Variants in HPSE2 observed in about 807,000 individuals in gnomAD.
HPSE2 encodes heparanase 2 (inactive).
HPSE2 carries 38 observed loss-of-function variants against 60.5 expected under a neutral mutation model. That is an observed-to-expected ratio of 0.63 (90% CI 0.48 to 0.82). HPSE2 has a LOEUF of 0.82. Among genes scored for constraint, HPSE2 ranks in the 40% least tolerant of loss-of-function variants. HPSE2 has a pLI of 0.00. For synonymous variants in HPSE2, 295 were observed against 293.2 expected, an observed-to-expected ratio of 1.01 and a Z score of -0.06; for missense variants, 713 against 740.4, an observed-to-expected ratio of 0.96 and a Z score of 0.43.
At position 98,599,531 on chromosome 10, in the gene HPSE2, T is replaced by C. The variant is rs546804725; in HGVS notation, c.1320+15373A>G. Among the ~76,000 whole-genome samples, 315 of 152,286 alleles carry C rather than the reference T, an allele frequency of 2.1e-3. 1 individual carries two copies. The highest frequency in any genetic ancestry group is 3.4e-3 in the Non-Finnish European group (232 of 67,994). ...GAGACTCAGTCTGTAGGTACTGGCC[T>C]GGAGTCTGGTCCCATGGGGGCCTGA... On this transcript the variant is annotated intron_variant, in intron 9 of 11. Transcript: ENST00000370552.
At chr10:98,665,704 A>G (rs1480180809) in intron 6 of HPSE2, among the ~76,000 whole-genome samples, 1 of 152,200 alleles carries the variant, frequency 6.6e-6, no homozygotes, top group African/African-American at 2.4e-5. Context: ...TAAGCAAAGG[A>G]GGATACAATC....
chr10:98,482,876 G>T, intron 10 of HPSE2, 94 bp from the exon 11 acceptor site: 4 of 1,379,542 alleles, frequency 2.9e-6, no homozygotes, highest in African/African-American at 1.4e-5. Flanking sequence ...AATATGAACA[G>T]CCCTGAAAAT....
intron 3 of HPSE2, among the ~76,000 whole-genome samples, chr10:99,011,980 A>T (rs1957028992): frequency 6.6e-6 from 1 of 151,988 alleles, no homozygotes; most frequent in Admixed American, 6.6e-5. Context: ...TCAGTCCTAA[A>T]ATAAAAAAGA....
At position 98,482,754 on chromosome 10, in the gene HPSE2, G is replaced by C. The variant is rs745388796; in HGVS notation, c.1495C>G (p.Leu499Val). The change falls in exon 11 of 12, where the codon CTT becomes GTT. Residue 499 changes from leucine to valine, a missense_variant. Transcript: ENST00000370552. ...NHNYVRGSIT[L>V]FIINLHRSRK... ...GATCGATGCAAGTTGATGATAAAAA[G>C]TGTAATGGACCCACGAACGTAGTTG... 1 of 1,614,192 alleles carries C rather than the reference G, an allele frequency of 6.2e-7. No individual in the cohort carries two copies. Among genetic ancestry groups the C allele is most frequent in the Non-Finnish European group, 8.5e-7 (1 of 1,180,046 alleles).
intron 3 of HPSE2, among the ~76,000 whole-genome samples, chr10:98,789,183 T>G (rs1252315): frequency 0.054 from 8,282 of 152,216 alleles, 726 homozygotes; most frequent in African/African-American, 0.18. Flanking sequence ...ATTTGTTGGA[T>G]AAATGAATAT....
At position 99,007,352 on chromosome 10, in the gene HPSE2, C is replaced by G. The variant is rs367582451; in HGVS notation, c.610+136886G>C. On this transcript the variant is annotated intron_variant, in intron 3 of 11. Transcript: ENST00000370552. ...CGATGCTCACTTCCCTGACCCTCCC[C>G]CAAGGAGAGAGTATCTATCTCCACA... is the stretch of plus-strand genomic sequence containing the variant. 2.0e-5 allele frequency among the ~76,000 whole-genome samples: 3 copies of G among 152,238 alleles called. No homozygotes were observed. The East Asian group carries it at 5.8e-4, about 29-fold the overall frequency.
intron 3 of HPSE2, among the ~76,000 whole-genome samples, chr10:98,790,749 AGTAT>A (rs1447957566): frequency 6.6e-6 from 1 of 152,258 alleles, no homozygotes; most frequent in African/African-American, 2.4e-5. Context: ...GAGTGTGGTC[AGTAT>A]GTATGTATAT....
intron 3 of HPSE2, among the ~76,000 whole-genome samples, chr10:98,941,567 A>G (rs1955002131): frequency 7.0e-6 from 1 of 141,900 alleles, no homozygotes; most frequent in South Asian, 2.1e-4. Flanking sequence ...CCACTGCTCA[A>G]TGAAATAAAA....
chr10:98,914,058 C>G lies in HPSE2; in HGVS notation c.611-170002G>C, dbSNP rs548399248. On this transcript the variant is annotated intron_variant, in intron 3 of 11. Transcript: ENST00000370552. ...GGTTGATATGGTTTGGCTGTGCCCC[C>G]ACCCAAATCTCATCTTGAATTGTAA... 2.6e-5 allele frequency among the ~76,000 whole-genome samples: 4 copies of G among 152,288 alleles called. No homozygotes were observed. In the South Asian group the frequency reaches 8.3e-4, roughly 32 times the overall value.
chr10:99,254,482 C>T, the HPSE2 span, among the ~76,000 whole-genome samples: 2 of 152,044 alleles, frequency 1.3e-5, no homozygotes, highest in African/African-American at 4.8e-5. Flanking sequence ...GTACCCCAAA[C>T]CTCAGCATCG....
intron 7 of HPSE2, among the ~76,000 whole-genome samples, chr10:98,621,706 T>G (rs1315705063): frequency 2.0e-5 from 3 of 152,380 alleles, no homozygotes; most frequent in South Asian, 2.1e-4. Flanking sequence ...AGGGAAAGCA[T>G]GAGTAGCCTT....
the HPSE2 span, among the ~76,000 whole-genome samples, chr10:99,254,661 G>A: frequency 6.6e-6 from 1 of 152,074 alleles, no homozygotes; most frequent in Non-Finnish European, 1.5e-5. Flanking sequence ...TTTTCCTATA[G>A]CATATCTAAT....
chr10:98,583,210 A>G (rs1944851830), intron 9 of HPSE2, among the ~76,000 whole-genome samples: 1 of 152,184 alleles, frequency 6.6e-6, no homozygotes, highest in Non-Finnish European at 1.5e-5. Flanking sequence ...CAAGTAAATA[A>G]CTTTGTAACT....
chr10:98,582,296 T>A (rs1169434860), intron 9 of HPSE2, among the ~76,000 whole-genome samples: 1 of 152,200 alleles, frequency 6.6e-6, no homozygotes, highest in Non-Finnish European at 1.5e-5. Context: ...AATGGAACAA[T>A]ACCTTTAAAT....
intron 3 of HPSE2, among the ~76,000 whole-genome samples, chr10:98,756,910 A>T (rs1949891601): frequency 6.6e-6 from 1 of 152,204 alleles, no homozygotes; most frequent in African/African-American, 2.4e-5. Context: ...TCTAATGAAC[A>T]TAGATGCAAA....
the HPSE2 span, among the ~76,000 whole-genome samples, chr10:99,241,715 C>G: frequency 6.6e-6 from 1 of 152,190 alleles, no homozygotes; most frequent in African/African-American, 2.4e-5. Context: ...GCTATGAGAT[C>G]ATGCCACTGC....
At chr10:98,710,846 C>T (rs907086370) in intron 5 of HPSE2, among the ~76,000 whole-genome samples, 1 of 152,030 alleles carries the variant, frequency 6.6e-6, no homozygotes, top group Non-Finnish European at 1.5e-5. Context: ...GAGCTCAATA[C>T]TCCCTCATTT....
chr10:98,684,750 A>G (rs1413399369), intron 6 of HPSE2, among the ~76,000 whole-genome samples: 1 of 152,046 alleles, frequency 6.6e-6, no homozygotes, highest in Non-Finnish European at 1.5e-5. Context: ...GGAAATTTGG[A>G]GTGGGAAGGG....
chr10:99,070,377 AT>A (rs1842749827), intron 3 of HPSE2, among the ~76,000 whole-genome samples: 1 of 152,234 alleles, frequency 6.6e-6, no homozygotes, highest in Non-Finnish European at 1.5e-5. Flanking sequence ...CAACACTGTT[AT>A]TCATTAGTAA....
Sources: allele counts gnomAD v4.1 joint callset (sites outside exome capture counted in the v4.1 genomes callset), GRCh38; gene constraint gnomAD v4.1.1; transcripts MANE v1.5; gene names NCBI Gene and HGNC (gene_info 2026-07-23, HGNC 2026-07-21).